The following DLGAP1 variants were observed in gnomAD, a reference collection of about 807,000 sequenced individuals.
DLGAP1 encodes disks large-associated protein 1.
In DLGAP1, 11 loss-of-function variants were observed where a neutral mutation model predicts 90.8. The ratio of observed to expected loss-of-function variants is 0.12; its 90% CI spans 0.08 to 0.20. The LOEUF (loss-of-function observed/expected upper bound fraction) is 0.20. Among genes scored for constraint, DLGAP1 ranks in the 10% least tolerant of loss-of-function variants. The pLI is 1.00. For missense variants in DLGAP1, 1,050 were observed against 1,333.8 expected (o/e 0.79, Z 3.31); for synonymous variants, 558 against 540.7 (o/e 1.03, Z -0.44).
At chr18:4,307,554 T>C (rs1413756542) in intron 1 of DLGAP1, among the ~76,000 whole-genome samples, 2 of 152,102 alleles carry the variant, frequency 1.3e-5, no homozygotes, top group Non-Finnish European at 2.9e-5. Flanking sequence ...TCCAGTGTAA[T>C]ATGATCTCTT....
At chr18:4,266,745 C>T (rs1329998744) in intron 1 of DLGAP1, among the ~76,000 whole-genome samples, 1 of 152,168 alleles carries the variant, frequency 6.6e-6, no homozygotes, top group Admixed American at 6.5e-5. Flanking sequence ...TTACATACAT[C>T]CATGTCTTAT....
intron 4 of DLGAP1, among the ~76,000 whole-genome samples, chr18:3,875,638 A>T (rs1295363603): frequency 6.6e-6 from 1 of 152,172 alleles, no homozygotes; most frequent in African/African-American, 2.4e-5. Context: ...AGCTTCTTCA[A>T]CTGTGAAATA....
At chr18:4,198,175 C>T (rs1001131751) in intron 1 of DLGAP1, among the ~76,000 whole-genome samples, 16 of 152,056 alleles carry the variant, frequency 1.1e-4, no homozygotes, top group Admixed American at 7.2e-4. Context: ...GAGCCGAGAT[C>T]GTGCCACTGC....
At chr18:4,306,101 AGG>A (rs1598861935) in intron 1 of DLGAP1, among the ~76,000 whole-genome samples, 1 of 151,410 alleles carries the variant, frequency 6.6e-6, no homozygotes, top group Non-Finnish European at 1.5e-5. Context: ...AGAGAGAGAG[AGG>A]GAGAGAAATT....
intron 5 of DLGAP1, among the ~76,000 whole-genome samples, chr18:3,782,811 C>A (rs1323822781): frequency 2.0e-5 from 3 of 152,134 alleles, no homozygotes; most frequent in Admixed American, 1.3e-4. Flanking sequence ...TGTTGGACTT[C>A]ACCAAAATTA....
intron 8 of DLGAP1, among the ~76,000 whole-genome samples, chr18:3,581,291 C>T (rs1323740712): frequency 6.6e-6 from 1 of 152,190 alleles, no homozygotes; most frequent in East Asian, 1.9e-4. Flanking sequence ...GCCCTCCTCC[C>T]TGTCTTCTCT....
chr18:4,011,835 A>G (rs1379516558), intron 2 of DLGAP1, among the ~76,000 whole-genome samples: 1 of 151,940 alleles, frequency 6.6e-6, no homozygotes, highest in African/African-American at 2.4e-5. Context: ...CCCTGTCTCA[A>G]ACGACAACAA....
At chr18:3,965,096 GTAAACAAAGAGATC>G (rs1042505703) in intron 3 of DLGAP1, among the ~76,000 whole-genome samples, 1 of 152,056 alleles carries the variant, frequency 6.6e-6, no homozygotes, top group African/African-American at 2.4e-5. Context: ...AGATCTCTTT[GTAAACAAAGAGATC>G]TTTGTAAACA....
Position 3,623,936 on chromosome 18 carries a change from G to A in DLGAP1, c.1592-41688C>T, listed in dbSNP as rs533729606. 9.9e-5 allele frequency among the ~76,000 whole-genome samples: 15 copies of A among 152,196 alleles called. No homozygotes were observed. The South Asian group carries it at 2.7e-3, about 27-fold the overall frequency. ...CCCTCCTGCCTGCATTCATCTGACC[G>A]GTTCAGTGGGATCTGGTACTTTTCC... On this transcript the variant is annotated intron_variant, in intron 7 of 12. Transcript: ENST00000315677.
intron 1 of DLGAP1, among the ~76,000 whole-genome samples, chr18:4,194,852 T>C (rs2077465893): frequency 6.6e-6 from 1 of 152,224 alleles, no homozygotes; most frequent in Non-Finnish European, 1.5e-5. Context: ...GGTTTTGATA[T>C]ATGTATACAA....
At chr18:3,556,214 C>T (rs145525188) in intron 9 of DLGAP1, among the ~76,000 whole-genome samples, 446 of 152,270 alleles carry the variant, frequency 2.9e-3, no homozygotes, top group Non-Finnish European at 4.5e-3. Context: ...CCCCTTCCCC[C>T]GACACACACA....
chr18:3,764,424 C>T (rs1436808348), intron 5 of DLGAP1, among the ~76,000 whole-genome samples: 1 of 124,704 alleles, frequency 8.0e-6, no homozygotes, highest in Non-Finnish European at 1.7e-5. Context: ...ACATATGTTC[C>T]TATTGCCCAG....
At chr18:4,005,826 A>T (rs758274418) in intron 2 of DLGAP1, among the ~76,000 whole-genome samples, 19 of 152,190 alleles carry the variant, frequency 1.2e-4, no homozygotes, top group Non-Finnish European at 2.1e-4. Flanking sequence ...AGTAGTTCTC[A>T]ACCTTGGTTC....
Position 3,862,998 on chromosome 18 carries a change from A to G in DLGAP1, c.957+16114T>C, listed in dbSNP as rs145590603. Among the ~76,000 whole-genome samples, 6 of 152,356 alleles carry G rather than the reference A, an allele frequency of 3.9e-5. No homozygotes were observed. In the South Asian group the frequency reaches 6.2e-4, roughly 16 times the overall value. ...ATTACCTTTTTATGGCAAAGCCCCA[A>G]TCTACTAGAAGTCAAGAGAGTAAAA... On this transcript the variant is annotated intron_variant, in intron 4 of 12. Transcript: ENST00000315677.
intron 9 of DLGAP1, among the ~76,000 whole-genome samples, chr18:3,541,233 AAGAG>A (rs972074818): frequency 6.6e-6 from 1 of 152,148 alleles, no homozygotes. Flanking sequence ...AAAAGGAAGA[AAGAG>A]AGAGAGAAAG....
intron 3 of DLGAP1, among the ~76,000 whole-genome samples, chr18:3,968,032 C>T (rs969030972): frequency 1.3e-5 from 2 of 152,162 alleles, no homozygotes; most frequent in Non-Finnish European, 2.9e-5. Flanking sequence ...ACTGCTTACT[C>T]TTCACAGATA....
chr18:3,504,122 T>C (rs576650414), intron 11 of DLGAP1, among the ~76,000 whole-genome samples: 1 of 152,172 alleles, frequency 6.6e-6, no homozygotes, highest in South Asian at 2.1e-4. Context: ...AACAGATAGA[T>C]AGATAGATAT....
At chr18:4,130,954 G>A (rs867266673) in intron 2 of DLGAP1, among the ~76,000 whole-genome samples, 2 of 151,752 alleles carry the variant, frequency 1.3e-5, no homozygotes, top group South Asian at 2.1e-4. Context: ...AATATGACAA[G>A]GATTTACCCA....
At position 4,189,665 on chromosome 18, in the gene DLGAP1, T is replaced by G. The variant is rs147107786; in HGVS notation, c.-266-38378A>C. Among the ~76,000 whole-genome samples the G allele has an allele frequency of 8.3e-3, 1,255 of 152,104 alleles. 11 individuals carry two copies. The highest frequency in any genetic ancestry group is 0.013 in the Non-Finnish European group (857 of 67,968). Reference sequence around the variant, plus strand: ...AAGAACCAGAACGGTCAACAAAATATTAAAGAAGAAGGAAGTCAGAGGACT... The same window carrying G: ...AAGAACCAGAACGGTCAACAAAATAGTAAAGAAGAAGGAAGTCAGAGGACT... On this transcript the variant is annotated intron_variant, in intron 1 of 12. Coordinates refer to ENST00000315677, the MANE Select transcript of DLGAP1 (RefSeq NM_004746.4).
Sources: gnomAD v4.1 joint callset for allele counts (sites outside exome capture counted in the v4.1 genomes callset) on GRCh38, gnomAD v4.1.1 for gene constraint, MANE v1.5 for transcripts, NCBI Gene and HGNC (gene_info 2026-07-23, HGNC 2026-07-21) for gene names.